Variants in BABAM2 observed in about 807,000 individuals in gnomAD.
BABAM2 encodes BRISC and BRCA1 A complex member 2.
A neutral mutation model predicts 54.7 loss-of-function variants in BABAM2; 31 were observed. The ratio of observed to expected loss-of-function variants is 0.57; its 90% confidence interval spans 0.43 to 0.77. The LOEUF is 0.77. BABAM2 is among the 30% of genes least tolerant of loss of function. The probability of loss-of-function intolerance (pLI) is 0.00; values close to 1 mark genes in which losing one functional copy is unlikely to be tolerated. For missense variants in BABAM2, 364 were observed against 455.8 expected, an observed-to-expected ratio of 0.80 and a Z score of 1.83; for synonymous variants, 167 against 162.9, an observed-to-expected ratio of 1.03 and a Z score of -0.19.
At chr2:27,911,628 A>G (rs537687642) in intron 2 of BABAM2, among the ~76,000 whole-genome samples, 1 of 152,288 alleles carries the variant, frequency 6.6e-6, no homozygotes, top group African/African-American at 2.4e-5. Flanking sequence ...ACTTCAAGGT[A>G]TCATTACTTC....
chr2:27,912,261 A>C (rs997837508), intron 2 of BABAM2, among the ~76,000 whole-genome samples: 1 of 150,078 alleles, frequency 6.7e-6, no homozygotes, highest in African/African-American at 2.5e-5. Context: ...TTTTTTTTCC[A>C]TTATTAAAGT....
At chr2:28,255,944 G>T (rs1683936743) in intron 10 of BABAM2, among the ~76,000 whole-genome samples, 1 of 152,178 alleles carries the variant, frequency 6.6e-6, no homozygotes, top group East Asian at 1.9e-4. Context: ...GAGATTACAG[G>T]TGTGTGCCAC....
At chr2:27,983,035 T>C (rs952855934) in intron 3 of BABAM2, among the ~76,000 whole-genome samples, 1 of 152,024 alleles carries the variant, frequency 6.6e-6, no homozygotes, top group African/African-American at 2.4e-5. Context: ...TTCTCAGAAG[T>C]AGATTTCTGG....
At chr2:27,938,827 T>C (rs1428170251) in intron 3 of BABAM2, among the ~76,000 whole-genome samples, 1 of 152,190 alleles carries the variant, frequency 6.6e-6, no homozygotes, top group Non-Finnish European at 1.5e-5. Flanking sequence ...CCTTTTTGTT[T>C]CCAAGCAAAG....
At chr2:28,002,610 C>G (rs1013107184) in intron 4 of BABAM2, among the ~76,000 whole-genome samples, 5 of 151,804 alleles carry the variant, frequency 3.3e-5, no homozygotes, top group Admixed American at 3.3e-4. Flanking sequence ...GAAATTTACT[C>G]CTAGACACAT....
At chr2:28,115,103 A>T (rs1043831285) in intron 6 of BABAM2, among the ~76,000 whole-genome samples, 1 of 152,080 alleles carries the variant, frequency 6.6e-6, no homozygotes, top group Non-Finnish European at 1.5e-5. Context: ...TTCATTTTGT[A>T]TACAAAAATG....
chr2:27,924,362 A>G (rs1362283014), intron 2 of BABAM2, among the ~76,000 whole-genome samples: 1 of 152,050 alleles, frequency 6.6e-6, no homozygotes, highest in Non-Finnish European at 1.5e-5. Flanking sequence ...TCCTCAAGGC[A>G]ACAGAGGAAA....
At chr2:28,053,158 T>G (rs879143853) in intron 6 of BABAM2, among the ~76,000 whole-genome samples, 1 of 152,210 alleles carries the variant, frequency 6.6e-6, no homozygotes, top group Non-Finnish European at 1.5e-5. Context: ...CTGATAAGAA[T>G]ATATAAATTC....
chr2:28,178,630 A>G (rs1253076219), intron 7 of BABAM2, among the ~76,000 whole-genome samples: 1 of 152,044 alleles, frequency 6.6e-6, no homozygotes, highest in East Asian at 1.9e-4. Flanking sequence ...AATTAGTAGA[A>G]GGAAAGAGAT....
intron 4 of BABAM2, among the ~76,000 whole-genome samples, chr2:28,018,591 A>G (rs541893106): frequency 1.3e-5 from 2 of 152,330 alleles, no homozygotes; most frequent in South Asian, 2.1e-4. Context: ...ACTGTTTTGC[A>G]TAGTGGTTGT....
At chr2:28,313,859 T>G (rs1175202952) in intron 11 of BABAM2, among the ~76,000 whole-genome samples, 1 of 152,212 alleles carries the variant, frequency 6.6e-6, no homozygotes, top group Non-Finnish European at 1.5e-5. Flanking sequence ...TGCTTGAGAT[T>G]ACATTCTGAC....
chr2:28,235,171 A>C (rs1681784298), intron 7 of BABAM2, among the ~76,000 whole-genome samples: 3 of 152,040 alleles, frequency 2.0e-5, no homozygotes. Flanking sequence ...GCAAACACAA[A>C]ATTTATTTAT....
chr2:28,031,369 G>C (rs979382019), intron 5 of BABAM2, among the ~76,000 whole-genome samples: 1 of 152,150 alleles, frequency 6.6e-6, no homozygotes, highest in Non-Finnish European at 1.5e-5. Context: ...CCCATACAAA[G>C]TATGCATTTC....
chr2:27,895,227 A>G (rs1486807093), intron 2 of BABAM2, among the ~76,000 whole-genome samples: 1 of 152,174 alleles, frequency 6.6e-6, no homozygotes, highest in African/African-American at 2.4e-5. Flanking sequence ...TAGCATTGTT[A>G]TAATATTGTT....
At chr2:27,951,166 T>C in intron 3 of BABAM2, among the ~76,000 whole-genome samples, 1 of 152,206 alleles carries the variant, frequency 6.6e-6, no homozygotes, top group East Asian at 1.9e-4. Flanking sequence ...TTTATTGATT[T>C]CCATTCAGAT....
At chr2:27,895,277 C>G (rs530935015) in intron 2 of BABAM2, among the ~76,000 whole-genome samples, 1 of 152,208 alleles carries the variant, frequency 6.6e-6, no homozygotes, top group African/African-American at 2.4e-5. Flanking sequence ...GCCAGTCTTT[C>G]CATTAATGCC....
At chr2:27,916,601 G>A (rs1666987866) in intron 2 of BABAM2, among the ~76,000 whole-genome samples, 1 of 152,138 alleles carries the variant, frequency 6.6e-6, no homozygotes, top group South Asian at 2.1e-4. Context: ...GGACACTGAG[G>A]GATCCAGGGT....
chr2:28,086,752 T>A (rs1448070891), intron 6 of BABAM2, among the ~76,000 whole-genome samples: 1 of 152,232 alleles, frequency 6.6e-6, no homozygotes, highest in African/African-American at 2.4e-5. Context: ...TTTCAAAAAT[T>A]CTTCACATAA....
chr2:27,951,745 G>A (rs1669736898), intron 3 of BABAM2, among the ~76,000 whole-genome samples: 2 of 152,074 alleles, frequency 1.3e-5, no homozygotes, highest in African/African-American at 4.8e-5. Flanking sequence ...AACAGGTGAT[G>A]TTTGTTTACA....
Sources: gnomAD v4.1 joint callset for allele counts (sites outside exome capture counted in the v4.1 genomes callset) on GRCh38, gnomAD v4.1.1 for gene constraint, MANE v1.5 for transcripts, NCBI Gene and HGNC (gene_info 2026-07-23, HGNC 2026-07-21) for gene names.